COA1: variants seen among roughly 807,000 people sequenced by gnomAD.
COA1 encodes the protein cytochrome c oxidase assembly factor 1 homolog.
In COA1, 13 loss-of-function variants were observed where a neutral mutation model predicts 16.0. That is an observed-to-expected ratio of 0.81 (90% confidence interval 0.53 to 1.29). The LOEUF is 1.29. Among genes scored for constraint, COA1 ranks in the 50% most tolerant of loss-of-function variants. COA1 has a pLI of 0.00. For missense variants in COA1, 179 were observed against 177.0 expected (o/e 1.01, Z -0.06); for synonymous variants, 65 against 65.7 (o/e 0.99, Z 0.05).
At chr7:43,633,745 T>C (rs1299787890) in intron 6 of COA1, among the ~76,000 whole-genome samples, 1 of 152,126 alleles carries the variant, frequency 6.6e-6, no homozygotes, top group African/African-American at 2.4e-5. Context: ...ACAATGAAAC[T>C]AGGTATATAC....
intron 1 of COA1, among the ~76,000 whole-genome samples, chr7:43,659,720 T>C (rs1398717895): frequency 6.6e-6 from 1 of 152,192 alleles, no homozygotes; most frequent in East Asian, 1.9e-4. Flanking sequence ...ACTCAGGTGT[T>C]TGCTTTCTAT....
chr7:43,633,817 A>G (rs1470103212), intron 6 of COA1, among the ~76,000 whole-genome samples: 1 of 151,994 alleles, frequency 6.6e-6, no homozygotes, highest in African/African-American at 2.4e-5. Context: ...TTTTTTTTCA[A>G]ATACTTTTTC....
At chr7:43,684,154 G>T (rs2093905969) in intron 1 of COA1, among the ~76,000 whole-genome samples, 1 of 152,120 alleles carries the variant, frequency 6.6e-6, no homozygotes, top group Admixed American at 6.6e-5. Context: ...GCAGGGGGAT[G>T]GTTTTGGGAT....
At chr7:43,638,099 G>A (rs142598090), downstream of COA1, among the ~76,000 whole-genome samples, 257 of 152,234 alleles carry the variant, frequency 1.7e-3, no homozygotes, top group Non-Finnish European at 3.3e-3. Context: ...GTGCTCTCAG[G>A]GAGACACTTT....
At chr7:43,698,276 C>A (rs778758187) in intron 1 of COA1, among the ~76,000 whole-genome samples, 4 of 152,154 alleles carry the variant, frequency 2.6e-5, no homozygotes, top group Non-Finnish European at 4.4e-5. Context: ...TCAATACAAC[C>A]AACTTAAAAC....
chr7:43,686,458 C>T (rs1415963276), intron 1 of COA1, among the ~76,000 whole-genome samples: 1 of 151,954 alleles, frequency 6.6e-6, no homozygotes, highest in Admixed American at 6.5e-5. Context: ...AGGCGCCCGC[C>T]ACTGCGCCCG....
intron 1 of COA1, among the ~76,000 whole-genome samples, chr7:43,722,724 C>A (rs772208314): frequency 1.9e-4 from 29 of 152,176 alleles, no homozygotes; most frequent in Non-Finnish European, 3.4e-4. Context: ...TATGTGATTG[C>A]ATTTCATCTC....
chr7:43,645,549 A>T (rs1473911470), intron 3 of COA1, 150 bp from the exon 4 acceptor site: 1 of 695,082 alleles, frequency 1.4e-6, no homozygotes, highest in African/African-American at 1.8e-5. Flanking sequence ...ATCTACTCTA[A>T]ATTGTCCATT....
At chr7:43,624,782 C>T (rs751758775) in intron 6 of COA1, 1 of 1,611,870 alleles carries the variant, frequency 6.2e-7, no homozygotes, top group Non-Finnish European at 8.5e-7. Flanking sequence ...AGGCCATTTC[C>T]AAACGATTTA....
chr7:43,657,025 T>C (rs900627286), intron 1 of COA1, among the ~76,000 whole-genome samples: 1 of 151,760 alleles, frequency 6.6e-6, no homozygotes, highest in Non-Finnish European at 1.5e-5. Context: ...TGAGACCCTA[T>C]CTCAAAAAGA....
intron 6 of COA1, among the ~76,000 whole-genome samples, chr7:43,627,886 T>TA (rs2084741219): frequency 6.6e-6 from 1 of 152,240 alleles, no homozygotes; most frequent in African/African-American, 2.4e-5. Context: ...GTTGGAATCA[T>TA]ACAGCATGCA....
chr7:43,685,297 A>G (rs943087432), intron 1 of COA1, among the ~76,000 whole-genome samples: 5 of 152,206 alleles, frequency 3.3e-5, no homozygotes, highest in Non-Finnish European at 7.3e-5. Context: ...TGCCCTATAG[A>G]CATCCTACTC....
At chr7:43,621,762 A>G (rs1005723824) in intron 6 of COA1, among the ~76,000 whole-genome samples, 1 of 152,224 alleles carries the variant, frequency 6.6e-6, no homozygotes, top group African/African-American at 2.4e-5. Context: ...ATCTCAAAAC[A>G]TTATAATGGA....
intron 1 of COA1, among the ~76,000 whole-genome samples, chr7:43,727,845 CTT>C (rs2095648360): frequency 6.6e-6 from 1 of 152,118 alleles, no homozygotes; most frequent in Non-Finnish European, 1.5e-5. Context: ...ACAAGAATAA[CTT>C]ATTGGAGTCT....
intron 1 of COA1, among the ~76,000 whole-genome samples, chr7:43,724,328 G>A (rs1432232822): frequency 2.6e-5 from 4 of 151,942 alleles, no homozygotes; most frequent in East Asian, 1.9e-4. Flanking sequence ...TGAGGTGGGC[G>A]GATCCCTTGA....
At chr7:43,636,944 A>G (rs2153052791), downstream of COA1, among the ~76,000 whole-genome samples, 1 of 152,330 alleles carries the variant, frequency 6.6e-6, no homozygotes, top group East Asian at 1.9e-4. Context: ...ACTGTGGCCA[A>G]CCTACCTTTC....
chr7:43,674,060 C>T (rs1220026979), intron 1 of COA1, among the ~76,000 whole-genome samples: 2 of 152,084 alleles, frequency 1.3e-5, no homozygotes, highest in Non-Finnish European at 2.9e-5. Flanking sequence ...ATGCTTATTA[C>T]GTAGGTGGCA....
At chr7:43,691,910 C>T (rs576352532) in intron 1 of COA1, among the ~76,000 whole-genome samples, 1 of 152,310 alleles carries the variant, frequency 6.6e-6, no homozygotes, top group African/African-American at 2.4e-5. Flanking sequence ...GAGCCTGCAA[C>T]CAAAATCATC....
At chr7:43,656,989 G>A (rs765597915) in intron 1 of COA1, among the ~76,000 whole-genome samples, 2 of 151,986 alleles carry the variant, frequency 1.3e-5, no homozygotes, top group African/African-American at 2.4e-5. Context: ...GAGTCCAGGA[G>A]TTCAAGACCA....
Sources: allele counts gnomAD v4.1 joint callset (sites outside exome capture counted in the v4.1 genomes callset), GRCh38; gene constraint gnomAD v4.1.1; transcripts MANE v1.5; gene names NCBI Gene and HGNC (gene_info 2026-07-23, HGNC 2026-07-21).